TCEA3: variants seen among roughly 807,000 people sequenced by gnomAD.
The protein encoded by TCEA3 is transcription elongation factor A3, also known as transcription elongation factor A protein 3.
In TCEA3, 36 loss-of-function variants were observed where a neutral mutation model predicts 44.0. The ratio of observed to expected loss-of-function variants is 0.82; its 90% CI spans 0.63 to 1.08. The LOEUF (loss-of-function observed/expected upper bound fraction) is 1.08. TCEA3 is among the 50% of genes least tolerant of loss of function. The probability of loss-of-function intolerance (pLI) is 0.00; values close to 1 mark genes in which losing one functional copy is unlikely to be tolerated. For missense variants in TCEA3, 392 were observed against 441.2 expected, an observed-to-expected ratio of 0.89 and a Z score of 1.00; for synonymous variants, 162 against 159.7, an observed-to-expected ratio of 1.01 and a Z score of -0.11.
chr1:23,385,281 G>A (rs1638800477), intron 9 of TCEA3, among the ~76,000 whole-genome samples: 1 of 152,166 alleles, frequency 6.6e-6, no homozygotes, highest in Admixed American at 6.5e-5. Flanking sequence ...GGTGTGGGAC[G>A]AGTTATGCCC....
chr1:23,418,748 T>C (rs1265435273), intron 2 of TCEA3, among the ~76,000 whole-genome samples: 1 of 152,060 alleles, frequency 6.6e-6, no homozygotes, highest in African/African-American at 2.4e-5. Context: ...ACAGGGATTT[T>C]AAATGGGGGC....
intron 5 of TCEA3, among the ~76,000 whole-genome samples, chr1:23,398,506 A>G (rs540766437): frequency 6.6e-6 from 1 of 152,252 alleles, no homozygotes; most frequent in Non-Finnish European, 1.5e-5. Flanking sequence ...AGGGGCTTAC[A>G]GTCTAGTGAA....
intron 8 of TCEA3, among the ~76,000 whole-genome samples, chr1:23,387,812 T>A (rs72661436): frequency 9.3e-4 from 142 of 152,318 alleles, no homozygotes; most frequent in Non-Finnish European, 1.7e-3. Flanking sequence ...CCTTCCTCTC[T>A]AGACTTGACC....
At position 23,418,098 on chromosome 1, in the gene TCEA3, C is replaced by T. The variant is rs887656533; in HGVS notation, c.133-89G>A. On this transcript the variant is annotated intron_variant, in intron 2 of 10. Coordinates refer to ENST00000450454, the MANE Select transcript of TCEA3 (RefSeq NM_003196.3). ...GGCAGATCCTGCCCCAGCTCTACCA[C>T]CACCTCCCCTTCCAACCTGGACCCC... 3.5e-5 allele frequency: 46 copies of T among 1,306,808 alleles called. No individual in the cohort carries two copies. The Middle Eastern group carries it at 1.4e-3, about 40-fold the overall frequency. The allele number at this position is 1,306,808 out of a possible 1,614,324, so 81.0% of individuals were successfully genotyped here.
intron 8 of TCEA3, among the ~76,000 whole-genome samples, chr1:23,389,267 C>T (rs1368236890): frequency 6.6e-6 from 1 of 152,126 alleles, no homozygotes; most frequent in Non-Finnish European, 1.5e-5. Context: ...ACAGGTGGAT[C>T]ACCTGAGGTC....
chr1:23,396,892 C>G (rs1639230499), intron 7 of TCEA3, among the ~76,000 whole-genome samples: 1 of 151,252 alleles, frequency 6.6e-6, no homozygotes, highest in Admixed American at 6.6e-5. Flanking sequence ...GTAATTCCAG[C>G]TACTTGAGAG....
At chr1:23,410,264 C>T (rs2148574512) in intron 4 of TCEA3, among the ~76,000 whole-genome samples, 1 of 152,114 alleles carries the variant, frequency 6.6e-6, no homozygotes, top group African/African-American at 2.4e-5. Context: ...GGAATTCCTA[C>T]AGTGGGAGAG....
Position 23,393,837 on chromosome 1 carries a change from G to A in TCEA3, c.819+42C>T, listed in dbSNP as rs76456251. ...CCTCTGCACTAGGCAGGGCTAGGGG[G>A]ACCTGGCTTCCTGCCTCACCATGCA... On this transcript the variant is annotated intron_variant, in intron 8 of 10. Coordinates refer to ENST00000450454, the MANE Select transcript of TCEA3 (RefSeq NM_003196.3). 3.9e-3 allele frequency: 6,329 copies of A among 1,602,294 alleles called. 197 individuals are homozygous for A. In the African/African-American group the frequency reaches 0.067, roughly 17 times the overall value.
chr1:23,422,204 G>A (rs917932414), intron 1 of TCEA3, among the ~76,000 whole-genome samples: 5 of 152,156 alleles, frequency 3.3e-5, no homozygotes, highest in Non-Finnish European at 5.9e-5. Context: ...GCGTGCATAC[G>A]TGTGTGGCTG....
At position 23,424,568 on chromosome 1, in the gene TCEA3, G is replaced by T. The variant is rs1174513048; in HGVS notation, c.66C>A (p.Asn22Lys). Reference sequence around the variant, plus strand: ...GGCCCAAACTCTGCAGCCTCACCGTGTTCTTCCTGGCCACCATCTTCTCCA... The same window carrying T: ...GGCCCAAACTCTGCAGCCTCACCGTTTTCTTCCTGGCCACCATCTTCTCCA... ...KKLEKMVARKNTEGALDLLKK... is the reference protein window; with the variant it reads ...KKLEKMVARKKTEGALDLLKK... Residue 22 changes from asparagine (N) to lysine (K), a missense_variant, in exon 1 of 11, where the codon AAC (asparagine) becomes AAA (lysine). Transcript: ENST00000450454. The T allele has an allele frequency of 6.2e-7, 1 of 1,607,634 alleles. No homozygotes were observed.
At position 23,417,420 on chromosome 1, in the gene TCEA3, A is replaced by T. The variant is rs757179281; in HGVS notation, c.239-30T>A. 4 of 1,606,844 alleles carry T rather than the reference A, an allele frequency of 2.5e-6. 1 individual carries two copies. In the South Asian group the frequency reaches 3.3e-5, roughly 13 times the overall value. On this transcript the variant is annotated intron_variant, in intron 3 of 10. Transcript: ENST00000450454. ...AAACAAAAGGGTGGCATTGTCCCTCAGCTAAGCTCTGTCTCAGCAGAACCC... is the reference window on the plus strand; with the variant it reads ...AAACAAAAGGGTGGCATTGTCCCTCTGCTAAGCTCTGTCTCAGCAGAACCC...
chr1:23,410,567 C>G (rs1412842367), intron 4 of TCEA3, among the ~76,000 whole-genome samples: 1 of 151,960 alleles, frequency 6.6e-6, no homozygotes. Flanking sequence ...CTTTGGGAGG[C>G]CAAAGTGGGC....
At position 23,408,438 on chromosome 1, in the gene TCEA3, T is replaced by G. The variant is rs146483485; in HGVS notation, c.443+226A>C. On this transcript the variant is annotated intron_variant, in intron 5 of 10. Transcript: ENST00000450454. ...ATGAATGAATAAATGAATGAATACA[T>G]GATGAATTGAAGAATTGACCACAGA... The G allele has an allele frequency of 5.1e-4, 244 of 477,326 alleles. No individual in the cohort carries two copies. In the East Asian group the frequency reaches 6.5e-3, roughly 13 times the overall value. The allele number at this position is 477,326 out of a possible 1,614,324, so 29.6% of individuals were successfully genotyped here. A position where few individuals can be genotyped will look rare whatever the true frequency, so the allele number is the denominator to read the frequency against.
chr1:23,392,615 C>CACACACACACTCCACACATCAT (rs1639090266), intron 8 of TCEA3, among the ~76,000 whole-genome samples: 1 of 1,478 alleles, frequency 6.8e-4, no homozygotes, highest in Admixed American at 8.5e-3. Context: ...ATCATACACA[C>CACACACACACTCCACACATCAT]ACACACACAC....
intron 1 of TCEA3, chr1:23,423,985 G>T (rs1003340406): frequency 2.6e-6 from 1 of 390,724 alleles, no homozygotes; most frequent in Non-Finnish European, 5.0e-6. Context: ...CGCACCCCAA[G>T]GCCAAGGAAA....
chr1:23,387,104 T>G (rs1046446942), intron 9 of TCEA3, among the ~76,000 whole-genome samples, 169 bp downstream of exon 9: 2 of 152,100 alleles, frequency 1.3e-5, no homozygotes, highest in African/African-American at 2.4e-5. Context: ...CCACTCGCCT[T>G]GGCCTCCCAA....
At chr1:23,404,754 T>A (rs1039022306) in intron 5 of TCEA3, among the ~76,000 whole-genome samples, 1 of 150,780 alleles carries the variant, frequency 6.6e-6, no homozygotes, top group African/African-American at 2.4e-5. Context: ...AGCCCAGGAG[T>A]TCGAGACCAG....
chr1:23,407,607 T>C (rs1034481680), intron 5 of TCEA3, among the ~76,000 whole-genome samples: 1 of 152,080 alleles, frequency 6.6e-6, no homozygotes, highest in African/African-American at 2.4e-5. Flanking sequence ...ACTTCCTCGA[T>C]GAGGACTTTT....
intron 4 of TCEA3, among the ~76,000 whole-genome samples, chr1:23,415,374 A>T (rs1639860148): frequency 6.6e-6 from 1 of 152,032 alleles, no homozygotes; most frequent in African/African-American, 2.4e-5. Context: ...AAAAACAAAA[A>T]CTGCATGTGT....
Sources: gnomAD v4.1 joint callset for allele counts (sites outside exome capture counted in the v4.1 genomes callset) on GRCh38, gnomAD v4.1.1 for gene constraint, MANE v1.5 for transcripts, NCBI Gene and HGNC (gene_info 2026-07-23, HGNC 2026-07-21) for gene names.